Variants in EFHC1 observed in about 807,000 individuals in gnomAD.
The protein encoded by EFHC1 is EF-hand domain containing 1, also known as EF-hand domain-containing protein 1.
EFHC1 carries 53 observed loss-of-function variants against 69.9 expected under a neutral mutation model. That is an observed-to-expected ratio of 0.76 (90% CI 0.61 to 0.95). The LOEUF is 0.95. Ranked by LOEUF, EFHC1 falls within the 40% of genes least tolerant of loss-of-function variation. EFHC1 has a pLI of 0.00. For missense variants in EFHC1, 739 were observed against 798.7 expected (o/e 0.93, Z 0.90); for synonymous variants, 256 against 278.4 (o/e 0.92, Z 0.80).
intron 3 of EFHC1, among the ~76,000 whole-genome samples, chr6:52,449,470 T>G (rs1764868463): frequency 6.6e-6 from 1 of 152,220 alleles, no homozygotes; most frequent in South Asian, 2.1e-4. Flanking sequence ...CTTTTTTGGT[T>G]CATAGGCTAT....
At position 52,492,122 on chromosome 6, in the gene EFHC1, C is replaced by G. The variant is rs998432004; in HGVS notation, c.1852-148C>G. 5.4e-5 allele frequency: 39 copies of G among 721,964 alleles called. No homozygotes were observed. The African/African-American group carries it at 5.8e-4, about 11-fold the overall frequency. 44.7% of individuals were successfully genotyped at this position (721,964 alleles called of 1,614,324 possible). A position where few individuals can be genotyped will look rare whatever the true frequency, so the allele number is the denominator to read the frequency against. ...ATGTCTGTCCTACCTGCCAGGTTCA[C>G]AGGATCATTTCAGAATCAACTTGAG... On this transcript the variant is annotated intron_variant, in intron 10 of 10. Transcript: ENST00000371068.
intron 3 of EFHC1, among the ~76,000 whole-genome samples, chr6:52,445,867 G>T (rs1410342426): frequency 1.3e-5 from 2 of 152,182 alleles, no homozygotes; most frequent in African/African-American, 4.8e-5. Flanking sequence ...TAGTTGAGTG[G>T]TTTTGAGTGA....
Position 52,431,900 on chromosome 6 carries a change from T to A in EFHC1, c.286-6404T>A, listed in dbSNP as rs1379682032. 2.0e-5 allele frequency among the ~76,000 whole-genome samples: 3 copies of A among 152,238 alleles called. No individual in the cohort carries two copies. The East Asian group carries it at 5.8e-4, about 29-fold the overall frequency. On this transcript the variant is annotated intron_variant, in intron 2 of 10. Coordinates refer to ENST00000371068, the MANE Select transcript of EFHC1 (RefSeq NM_018100.4). ...CTCCAGTGTTAGGTGCATATATATT[T>A]AGGATTATGACATTTTCCTGTTGGA...
chr6:52,453,722 C>A, intron 4 of EFHC1: 1 of 1,244,806 alleles, frequency 8.0e-7, no homozygotes, highest in Non-Finnish European at 1.0e-6. Context: ...TTTTTCTACA[C>A]TAATTATATA....
At chr6:52,463,121 G>A (rs990015517) in intron 5 of EFHC1, among the ~76,000 whole-genome samples, 1 of 151,378 alleles carries the variant, frequency 6.6e-6, no homozygotes, top group Non-Finnish European at 1.5e-5. Flanking sequence ...TCCGCCTCCC[G>A]GGTTCACACC....
chr6:52,492,962 A>G lies in EFHC1; in HGVS notation c.*621A>G, dbSNP rs530943559. 12 of 454,074 alleles carry G rather than the reference A, an allele frequency of 2.6e-5. No individual in the cohort carries two copies. Among genetic ancestry groups the G allele is most frequent in the African/African-American group, 1.0e-4 (5 of 50,102 alleles). The allele number at this position is 454,074 out of a possible 1,614,324, so 28.1% of individuals were successfully genotyped here. A position where few individuals can be genotyped will look rare whatever the true frequency, so the allele number is the denominator to read the frequency against. ...GGGGTTTCTCTGAAGGTATTTTTCG[A>G]TGAGATAAACATTTGAATCAGAAGA... is the stretch of plus-strand genomic sequence containing the variant. On this transcript the variant is annotated 3_prime_UTR_variant, in exon 11 of 11. Coordinates refer to ENST00000371068, the MANE Select transcript of EFHC1 (RefSeq NM_018100.4).
At chr6:52,427,858 G>A (rs1250433913) in intron 2 of EFHC1, among the ~76,000 whole-genome samples, 2 of 152,050 alleles carry the variant, frequency 1.3e-5, no homozygotes. Context: ...TATTTATGCA[G>A]CATTTCCCCC....
At chr6:52,478,983 A>G in intron 7 of EFHC1, 54 bp from the exon 8 acceptor site, 1 of 1,560,966 alleles carries the variant, frequency 6.4e-7, no homozygotes, top group South Asian at 1.1e-5. Context: ...TTAAGTTGGC[A>G]CATCTGCATA....
chr6:52,459,111 T>C (rs1765106172), intron 5 of EFHC1, among the ~76,000 whole-genome samples: 1 of 152,154 alleles, frequency 6.6e-6, no homozygotes, highest in Non-Finnish European at 1.5e-5. Flanking sequence ...GAACTACCTA[T>C]CAGGTACTGT....
Position 52,476,629 on chromosome 6 carries a change from A to G in EFHC1, c.1279-2408A>G, listed in dbSNP as rs544439842. On this transcript the variant is annotated intron_variant, in intron 7 of 10. Transcript: ENST00000371068. ...AAACTCCCTGGTATACACTAAAGAC[A>G]TGGTATCTTTTCTGGGTTACTTTTG... 3.3e-5 allele frequency among the ~76,000 whole-genome samples: 5 copies of G among 152,338 alleles called. 1 individual carries two copies. Among genetic ancestry groups the G allele is most frequent in the South Asian group, 2.1e-4 (1 of 4,830 alleles).
At position 52,473,943 on chromosome 6, in the gene EFHC1, T is replaced by A. The variant is rs143647608; in HGVS notation, c.1278+4470T>A. Among the ~76,000 whole-genome samples the A allele has an allele frequency of 2.8e-3, 429 of 152,214 alleles. 2 individuals carry two copies. Among genetic ancestry groups the A allele is most frequent in the African/African-American group, 9.6e-3 (399 of 41,528 alleles). ...ACCAAGATCTTATATTCAGAATATA[T>A]AAAGAACACTCTGAAATCATTAAGA... On this transcript the variant is annotated intron_variant, in intron 7 of 10. Coordinates refer to ENST00000371068, the MANE Select transcript of EFHC1 (RefSeq NM_018100.4).
At chr6:52,455,809 G>A (rs534193347) in intron 5 of EFHC1, among the ~76,000 whole-genome samples, 1 of 152,174 alleles carries the variant, frequency 6.6e-6, no homozygotes, top group East Asian at 1.9e-4. Context: ...AGTATTATTT[G>A]TGGGCAAGGA....
chr6:52,471,118 C>T (rs1298333464), intron 7 of EFHC1, among the ~76,000 whole-genome samples: 1 of 152,194 alleles, frequency 6.6e-6, no homozygotes, highest in Non-Finnish European at 1.5e-5. Flanking sequence ...GTGAACCTGA[C>T]ATTTGGGTTC....
intron 9 of EFHC1, chr6:52,485,680 C>T (rs898604490): frequency 6.6e-6 from 1 of 152,198 alleles, no homozygotes; most frequent in Non-Finnish European, 1.5e-5. Flanking sequence ...CACCTACTCT[C>T]TCTCTCTTGC....
chr6:52,458,316 A>C (rs1241975655), intron 5 of EFHC1, among the ~76,000 whole-genome samples: 1 of 152,160 alleles, frequency 6.6e-6, no homozygotes, highest in African/African-American at 2.4e-5. Context: ...ATTGGGACCT[A>C]ATTAAACTAA....
chr6:52,446,132 G>T (rs1269687571), intron 3 of EFHC1, among the ~76,000 whole-genome samples: 1 of 152,140 alleles, frequency 6.6e-6, no homozygotes, highest in South Asian at 2.1e-4. Flanking sequence ...TTTCTGTCTT[G>T]TTGATCTGTC....
intron 9 of EFHC1, among the ~76,000 whole-genome samples, chr6:52,481,287 G>A (rs1015164120): frequency 5.3e-5 from 8 of 152,166 alleles, no homozygotes; most frequent in African/African-American, 1.9e-4. Flanking sequence ...CTGAGATGGG[G>A]AAGATGCGGG....
chr6:52,452,991 C>T (rs1764952437), intron 4 of EFHC1, 154 bp downstream of exon 4: 1 of 1,559,606 alleles, frequency 6.4e-7, no homozygotes, highest in Non-Finnish European at 8.6e-7. Flanking sequence ...CTGCTTTCAT[C>T]AAGGGTTACA....
At chr6:52,442,870 C>T (rs1764696005) in intron 3 of EFHC1, among the ~76,000 whole-genome samples, 1 of 152,218 alleles carries the variant, frequency 6.6e-6, no homozygotes, top group Non-Finnish European at 1.5e-5. Flanking sequence ...GGAATCACCA[C>T]ACTGTCTTCC....
Sources: allele counts gnomAD v4.1 joint callset (sites outside exome capture counted in the v4.1 genomes callset), GRCh38; gene constraint gnomAD v4.1.1; transcripts MANE v1.5; gene names NCBI Gene and HGNC (gene_info 2026-07-23, HGNC 2026-07-21).